The following ADGRB1 variants were observed in gnomAD, a reference collection of about 807,000 sequenced individuals.
ADGRB1 encodes the protein adhesion G protein-coupled receptor B1, also known as brain-specific angiogenesis inhibitor 1.
A neutral mutation model predicts 175.7 loss-of-function variants in ADGRB1; 36 were observed. That is an observed-to-expected ratio of 0.20 (90% CI 0.16 to 0.27). ADGRB1 has a LOEUF of 0.27. Ranked by LOEUF, ADGRB1 falls within the 10% of genes least tolerant of loss-of-function variation. The probability of loss-of-function intolerance (pLI) is 1.00; values close to 1 mark genes in which losing one functional copy is unlikely to be tolerated. For missense variants in ADGRB1, 1,731 were observed against 2,255.3 expected (o/e 0.77, Z 4.71); for synonymous variants, 1,054 against 979.4 (o/e 1.08, Z -1.42).
chr8:142,514,981 G>A (rs1489648997), intron 18 of ADGRB1, among the ~76,000 whole-genome samples: 4 of 152,158 alleles, frequency 2.6e-5, no homozygotes, highest in Non-Finnish European at 4.4e-5. Context: ...GTAGAAATGA[G>A]TCCTTAGGGG....
At chr8:142,473,709 T>G (rs1840784577) in intron 2 of ADGRB1, among the ~76,000 whole-genome samples, 1 of 152,142 alleles carries the variant, frequency 6.6e-6, no homozygotes, top group African/African-American at 2.4e-5. Flanking sequence ...TATGGCTCTG[T>G]GAGTGAAGGA....
intron 4 of ADGRB1, 106 bp from the exon 5 acceptor site, chr8:142,477,008 C>T (rs1406400808): frequency 2.3e-5 from 32 of 1,390,838 alleles, no homozygotes; most frequent in East Asian, 7.8e-5. Flanking sequence ...GCCCCAGCCC[C>T]GCTGCCTGCT....
intron 17 of ADGRB1, among the ~76,000 whole-genome samples, chr8:142,494,804 AC>A (rs1482310165): frequency 6.6e-6 from 1 of 150,646 alleles, no homozygotes; most frequent in Admixed American, 6.6e-5. Context: ...GCTCCCCCAC[AC>A]CCCTGCACCA....
intron 1 of ADGRB1, among the ~76,000 whole-genome samples, chr8:142,456,036 A>G (rs1214615205): frequency 6.6e-6 from 1 of 152,058 alleles, no homozygotes; most frequent in Admixed American, 6.5e-5. Flanking sequence ...CTCGGGGGTA[A>G]TGGCCACCCC....
intron 24 of ADGRB1, among the ~76,000 whole-genome samples, chr8:142,529,633 A>C: frequency 6.7e-6 from 1 of 149,024 alleles, no homozygotes; most frequent in East Asian, 2.0e-4. Context: ...CATACGTGTG[A>C]GCATGCATCT....
rs1167984897 is a variant in ADGRB1 at position 142,510,632 on chromosome 8, G to A, written c.2676-300G>A. Among the ~76,000 whole-genome samples the A allele has an allele frequency of 6.9e-6, 1 of 145,958 alleles. No homozygotes were observed. The highest frequency in any genetic ancestry group is 1.5e-5 in the Non-Finnish European group (1 of 65,654). On this transcript the variant is annotated intron_variant, in intron 17 of 30. Coordinates refer to ENST00000517894, the MANE Select transcript of ADGRB1 (RefSeq NM_001702.3). The surrounding 1 kb of genome is among the most constrained non-coding windows in gnomAD (Gnocchi z 6.3). Reference sequence around the variant, plus strand: ...CGGGGCGGGCGACTGCCGGGCCCCGGGCCAGCTCTCGCCCCCCGCCCCGCC... The same window carrying A: ...CGGGGCGGGCGACTGCCGGGCCCCGAGCCAGCTCTCGCCCCCCGCCCCGCC...
intron 2 of ADGRB1, among the ~76,000 whole-genome samples, chr8:142,473,166 G>T (rs937321879): frequency 6.6e-6 from 1 of 152,188 alleles, no homozygotes. Flanking sequence ...GGCATCCTCC[G>T]ATGAGCCTGG....
chr8:142,542,894 C>T lies in ADGRB1; in HGVS notation c.4413+247C>T, dbSNP rs1845366174. Among the ~76,000 whole-genome samples, 1 of 152,222 alleles carries T rather than the reference C, an allele frequency of 6.6e-6. No homozygotes were observed. Among genetic ancestry groups the T allele is most frequent in the South Asian group, 2.1e-4 (1 of 4,836 alleles). On this transcript the variant is annotated intron_variant, in intron 28 of 30. Transcript: ENST00000517894. The surrounding 1 kb of genome is among the most constrained non-coding windows in gnomAD (Gnocchi z 6.3). ...CTCAGGGACCCACAGTCTGGACCCA[C>T]GGAGCAGGACCTGCACCTCGCACAG...
intron 17 of ADGRB1, among the ~76,000 whole-genome samples, chr8:142,494,885 G>C (rs920634642): frequency 3.3e-5 from 5 of 152,040 alleles, no homozygotes; most frequent in Non-Finnish European, 7.3e-5. Context: ...CAAAGCGGGG[G>C]GTGGGGGTTG....
rs1416544126 is a variant in ADGRB1, at chr8:142,474,342, C to T, written c.785-1132C>T. 6.6e-6 allele frequency among the ~76,000 whole-genome samples: 1 copy of T among 152,162 alleles called. No individual in the cohort carries two copies. The highest frequency in any genetic ancestry group is 1.5e-5 in the Non-Finnish European group (1 of 68,014). ...GCGGCCCCAGCTCCATGGTGGGTCC[C>T]CTCGTGGTGGCCGCCAGCTGTCTCC... On this transcript the variant is annotated intron_variant, in intron 2 of 30. Coordinates refer to ENST00000517894, the MANE Select transcript of ADGRB1 (RefSeq NM_001702.3). This position sits in a 1 kb window ranked among gnomAD's most constrained non-coding sequence, Gnocchi z 5.8.
chr8:142,484,341 G>A (rs960069064), intron 12 of ADGRB1, among the ~76,000 whole-genome samples: 1 of 152,212 alleles, frequency 6.6e-6, no homozygotes, highest in Non-Finnish European at 1.5e-5. Flanking sequence ...TCATGTTGGG[G>A]CAGTGGGCAG....
chr8:142,464,637 C>A lies in ADGRB1; in HGVS notation c.439C>A (p.Arg147Ser), dbSNP rs1233948189. Residue 147 changes from arginine to serine, a missense_variant, in exon 2 of 31, where the codon CGC becomes AGC. Around this residue, in one of 8 missense-constraint regions of ADGRB1, gnomAD observed 383 missense variants for 383.1 expected, o/e 1.00. Transcript: ENST00000517894. ...QASKQFLQMR[R>S]QQPPQHDGLR... is the part of the protein sequence containing the mutation. ...CAGCAAGCAGTTCCTGCAGATGCGG[C>A]GCCAGCAGCCGCCCCAGCACGACGG... The A allele has an allele frequency of 6.6e-6, 10 of 1,519,600 alleles. No homozygotes were observed. The highest frequency in any genetic ancestry group is 1.4e-5 in the African/African-American group (1 of 70,950). 94.1% of individuals were successfully genotyped at this position (1,519,600 alleles called of 1,614,324 possible).
rs1178398568 is a variant in ADGRB1, at chr8:142,477,540, C to T, written c.1378C>T (p.Leu460=). 2 of 1,612,284 alleles carry T rather than the reference C, an allele frequency of 1.2e-6. No individual in the cohort carries two copies. Among genetic ancestry groups the T allele is most frequent in the Non-Finnish European group, 8.5e-7 (1 of 1,179,136 alleles). ...GCAAACCAAGTTCTGCAACATTGCC[C>T]TGTGCCCTGGTAGGTGAGAGGGAGG... ...EKQTKFCNIA[L]CPGRAVDGNW... Residue 460 remains leucine, a synonymous_variant, in exon 6 of 31, where the codon CTG becomes TTG. Transcript: ENST00000517894.
In ADGRB1 at chr8:142,542,352, C is replaced by A; in HGVS notation, c.4118C>A (p.Pro1373Gln). The A allele has an allele frequency of 6.4e-7, 1 of 1,569,928 alleles. No individual in the cohort carries two copies. The highest frequency in any genetic ancestry group is 8.6e-7 in the Non-Finnish European group (1 of 1,157,868). ...TACAGCATCCACATTGACCAGATGC[C>A]GCAGACCCGCCTCATCCACCTCAGC... is the stretch of plus-strand genomic sequence containing the variant. ...PKYSIHIDQM[P>Q]QTRLIHLSTA... is the part of the protein sequence containing the mutation. The change falls in exon 28 of 31, where the codon CCG becomes CAG. Residue 1373 changes from proline (P) to glutamine (Q), a missense_variant. By Grantham distance (76) the Pro-to-Gln change is moderately conservative. This residue lies in a region of ADGRB1 where 394 missense variants were observed against 410.2 expected (regional missense o/e 0.96). Coordinates refer to ENST00000517894, the MANE Select transcript of ADGRB1 (RefSeq NM_001702.3). This position sits in a 1 kb window ranked among gnomAD's most constrained non-coding sequence, Gnocchi z 6.3.
rs191491543 is a variant in ADGRB1, at chr8:142,511,899, G to A, written c.2817+826G>A. On this transcript the variant is annotated intron_variant, in intron 18 of 30. Transcript: ENST00000517894. This position sits in a 1 kb window ranked among gnomAD's most constrained non-coding sequence, Gnocchi z 4.5. ...GCCCAGACCTCGTGTGGAAGCCTGG[G>A]AGGCAGCAGGGGTGGAGGATGCACT... is the stretch of plus-strand genomic sequence containing the variant. Among the ~76,000 whole-genome samples, 1 of 152,366 alleles carries A rather than the reference G, an allele frequency of 6.6e-6. No homozygotes were observed. Among genetic ancestry groups the A allele is most frequent in the East Asian group, 1.9e-4 (1 of 5,188 alleles).
At position 142,543,798 on chromosome 8, in the gene ADGRB1, C is replaced by G; in HGVS notation, c.4557+90C>G. 1 of 1,130,604 alleles carries G rather than the reference C, an allele frequency of 8.8e-7. No individual in the cohort carries two copies. Among genetic ancestry groups the G allele is most frequent in the South Asian group, 1.4e-5 (1 of 73,256 alleles). 70.0% of individuals were successfully genotyped at this position (1,130,604 alleles called of 1,614,324 possible). On this transcript the variant is annotated intron_variant, in intron 30 of 30. Coordinates refer to ENST00000517894, the MANE Select transcript of ADGRB1 (RefSeq NM_001702.3). The surrounding 1 kb of genome is among the most constrained non-coding windows in gnomAD (Gnocchi z 4.4). The stretch of plus-strand genomic sequence containing the variant: ...CCCTGGATTTGTGCACTTCATCCAT[C>G]CATCCATCCATCCATCCATTCGTTC...
At chr8:142,528,526 CT>C (rs1159208907) in intron 24 of ADGRB1, among the ~76,000 whole-genome samples, 2 of 152,170 alleles carry the variant, frequency 1.3e-5, no homozygotes, top group Admixed American at 6.5e-5. Flanking sequence ...TCGTTTCAGC[CT>C]TTTAATTTCA....
Position 142,543,668 on chromosome 8 carries a change from C to T in ADGRB1, c.4517C>T (p.Ala1506Val), listed in dbSNP as rs1173301350. Residue 1506 changes from alanine to valine, a missense_variant, in exon 30 of 31, where the codon GCA becomes GTA. Transcript: ENST00000517894. This position sits in a 1 kb window ranked among gnomAD's most constrained non-coding sequence, Gnocchi z 4.4. The part of the protein sequence containing the change: ...FQDLNRKLQH[A>V]AEKDKEVLGP... ...GACCTGAACCGGAAGCTGCAGCACGCAGCGGAGAAGGACAAGGAGGTGCTG... is the reference window on the plus strand; with the variant it reads ...GACCTGAACCGGAAGCTGCAGCACGTAGCGGAGAAGGACAAGGAGGTGCTG... The T allele has an allele frequency of 1.3e-6, 2 of 1,564,468 alleles. No individual in the cohort carries two copies. The highest frequency in any genetic ancestry group is 1.7e-6 in the Non-Finnish European group (2 of 1,155,358).
Position 142,493,869 on chromosome 8 carries a change from G to A in ADGRB1, c.2675+3054G>A, listed in dbSNP as rs183247726. On this transcript the variant is annotated intron_variant, in intron 17 of 30. Coordinates refer to ENST00000517894, the MANE Select transcript of ADGRB1 (RefSeq NM_001702.3). The surrounding 1 kb of genome is among the most constrained non-coding windows in gnomAD (Gnocchi z 5.0). ...GAGTTGGATGGCACCTCCCTTGACTGCTGCAGGGGCCACTCCTCGCCCTGT... is the reference window on the plus strand; with the variant it reads ...GAGTTGGATGGCACCTCCCTTGACTACTGCAGGGGCCACTCCTCGCCCTGT... 9.4e-4 allele frequency among the ~76,000 whole-genome samples: 143 copies of A among 152,320 alleles called. No individual in the cohort carries two copies. The highest frequency in any genetic ancestry group is 3.3e-3 in the African/African-American group (136 of 41,570).
Sources: gnomAD v4.1 joint callset for allele counts (sites outside exome capture counted in the v4.1 genomes callset) on GRCh38, gnomAD v4.1.1 for gene constraint, gnomAD v4.1.1 regional missense constraint, Gnocchi (gnomAD v3.1) non-coding constraint, MANE v1.5 for transcripts, NCBI Gene and HGNC (gene_info 2026-07-23, HGNC 2026-07-21) for gene names.